Variants in NPAS2 observed in about 807,000 individuals in gnomAD.
NPAS2 encodes the protein neuronal PAS domain-containing protein 2.
NPAS2 carries 23 observed loss-of-function variants against 107.5 expected under a neutral mutation model. The ratio of observed to expected loss-of-function variants is 0.21; its 90% CI spans 0.15 to 0.30. NPAS2 has a LOEUF of 0.30. NPAS2 is among the 10% of genes least tolerant of loss of function. The probability of loss-of-function intolerance (pLI) is 1.00; values close to 1 mark genes in which losing one functional copy is unlikely to be tolerated. For synonymous variants in NPAS2, 403 were observed against 417.5 expected, an observed-to-expected ratio of 0.97 and a Z score of 0.42; for missense variants, 756 against 1,043.3, an observed-to-expected ratio of 0.72 and a Z score of 3.79.
chr2:100,969,449 C>T (rs1314740491), intron 11 of NPAS2, among the ~76,000 whole-genome samples: 3 of 152,122 alleles, frequency 2.0e-5, no homozygotes, highest in South Asian at 2.1e-4. Context: ...TGAGAACATG[C>T]GGTGTTTGGT....
intron 19 of NPAS2, among the ~76,000 whole-genome samples, chr2:100,992,524 TC>T (rs1678196614): frequency 6.6e-6 from 1 of 152,108 alleles, no homozygotes; most frequent in Non-Finnish European, 1.5e-5. Flanking sequence ...TCTCCCTAGA[TC>T]TGTTTGTTTA....
chr2:100,949,339 C>A, intron 6 of NPAS2, 28 bp from the exon 7 acceptor site: 1 of 1,337,502 alleles, frequency 7.5e-7, no homozygotes, highest in Non-Finnish European at 1.1e-6. Context: ...CGACCCCTTT[C>A]TCTCCTCTTC....
At chr2:100,891,962 C>T (rs1019179326) in intron 1 of NPAS2, among the ~76,000 whole-genome samples, 2 of 152,180 alleles carry the variant, frequency 1.3e-5, no homozygotes, top group Admixed American at 6.6e-5. Flanking sequence ...CCAACAAAGG[C>T]TTTCACTGAC....
chr2:100,880,890 GA>G, intron 1 of NPAS2, among the ~76,000 whole-genome samples: 1 of 152,334 alleles, frequency 6.6e-6, no homozygotes, highest in African/African-American at 2.4e-5. Context: ...TGCTCAGCAG[GA>G]AAAACTGACT....
intron 1 of NPAS2, among the ~76,000 whole-genome samples, chr2:100,868,219 A>G (rs148195655): frequency 6.6e-6 from 1 of 152,332 alleles, no homozygotes; most frequent in East Asian, 1.9e-4. Flanking sequence ...TTCATCTAAA[A>G]TATCTCTATT....
At chr2:100,966,347 C>T (rs557947577) in intron 10 of NPAS2, among the ~76,000 whole-genome samples, 119 of 152,124 alleles carry the variant, frequency 7.8e-4, no homozygotes, top group African/African-American at 2.5e-3. Context: ...TTGCCACATA[C>T]GAGGCGAACA....
intron 3 of NPAS2, among the ~76,000 whole-genome samples, chr2:100,929,424 G>A (rs941198768): frequency 1.3e-5 from 2 of 152,206 alleles, no homozygotes; most frequent in African/African-American, 4.8e-5. Context: ...CTGTTCATGA[G>A]TGTGTCCATT....
At chr2:100,964,459 T>C (rs957005913) in intron 8 of NPAS2, among the ~76,000 whole-genome samples, 2 of 152,220 alleles carry the variant, frequency 1.3e-5, no homozygotes, top group Non-Finnish European at 2.9e-5. Context: ...GTTAATACCA[T>C]GCAGGCCAGG....
intron 1 of NPAS2, chr2:100,878,572 G>A (rs1282191528): frequency 9.1e-6 from 9 of 985,324 alleles, no homozygotes; most frequent in East Asian, 1.1e-4. Flanking sequence ...TGAAATGGCC[G>A]TGTGTGGTAC....
intron 1 of NPAS2, among the ~76,000 whole-genome samples, chr2:100,897,902 G>A (rs1393838166): frequency 1.3e-5 from 2 of 152,156 alleles, no homozygotes; most frequent in African/African-American, 4.8e-5. Context: ...TATATCACAT[G>A]CAGTTGGCAC....
At chr2:100,871,799 T>C (rs1679602388) in intron 1 of NPAS2, among the ~76,000 whole-genome samples, 1 of 152,100 alleles carries the variant, frequency 6.6e-6, no homozygotes. Flanking sequence ...GAAATTCATC[T>C]CTGCATGCTG....
At chr2:100,875,295 G>C (rs10179995) in intron 1 of NPAS2, among the ~76,000 whole-genome samples, 5,937 of 152,218 alleles carry the variant, frequency 0.039, 229 homozygotes, top group African/African-American at 0.097. Context: ...CAGGCAATGG[G>C]GAGTTAGTGT....
rs777434224 is a variant in NPAS2, at chr2:100,827,508, A to G, written c.-23+7094A>G. Among the ~76,000 whole-genome samples the G allele has an allele frequency of 1.1e-4, 16 of 152,254 alleles. 1 individual carries two copies. The highest frequency in any genetic ancestry group is 6.8e-3 in the Middle Eastern group (2 of 294). The stretch of plus-strand genomic sequence containing the variant: ...CACCCAGGTACTGATGTAGTACCCA[A>G]TAGTTAGGTTTTCAGTCCTTATCCC... On this transcript the variant is annotated intron_variant, in intron 1 of 20. Transcript: ENST00000335681.
chr2:100,982,487 C>A, intron 16 of NPAS2, 110 bp downstream of exon 16: 3 of 1,272,426 alleles, frequency 2.4e-6, no homozygotes, highest in Non-Finnish European at 3.2e-6. Flanking sequence ...ACTGCCCTGC[C>A]AAGCCCCATT....
intron 12 of NPAS2, among the ~76,000 whole-genome samples, chr2:100,971,800 A>G (rs938972530): frequency 6.6e-6 from 1 of 152,058 alleles, no homozygotes; most frequent in Non-Finnish European, 1.5e-5. Flanking sequence ...ATCATCTGCA[A>G]GTAGACCAGA....
chr2:100,965,257 C>G lies in NPAS2; in HGVS notation c.800+314C>G, dbSNP rs1357232431. Among the ~76,000 whole-genome samples the G allele has an allele frequency of 6.6e-6, 1 of 152,148 alleles. No individual in the cohort carries two copies. Among genetic ancestry groups the G allele is most frequent in the Non-Finnish European group, 1.5e-5 (1 of 68,002 alleles). On this transcript the variant is annotated intron_variant, in intron 9 of 20. Coordinates refer to ENST00000335681, the MANE Select transcript of NPAS2 (RefSeq NM_002518.4). The surrounding 1 kb of genome is among the most constrained non-coding windows in gnomAD (Gnocchi z 4.3). ...GAGAAATCTCTCATCTCATTTTTTT[C>G]AACATCCTTTGATCTTTTAGCCCAA...
intron 1 of NPAS2, among the ~76,000 whole-genome samples, chr2:100,834,519 G>A (rs1676938730): frequency 6.6e-6 from 1 of 152,144 alleles, no homozygotes; most frequent in African/African-American, 2.4e-5. Flanking sequence ...AACGCACAGA[G>A]CTCATTCATG....
intron 1 of NPAS2, among the ~76,000 whole-genome samples, chr2:100,873,248 T>G (rs1679691014): frequency 1.9e-5 from 1 of 51,784 alleles, no homozygotes; most frequent in African/African-American, 8.1e-5. Context: ...CGAGACTTCA[T>G]CTCAAAAAAA....
intron 2 of NPAS2, among the ~76,000 whole-genome samples, chr2:100,909,090 T>TC (rs965509204): frequency 6.6e-6 from 1 of 152,130 alleles, no homozygotes; most frequent in African/African-American, 2.4e-5. Context: ...TTTCTTCTGG[T>TC]CCCCCTGGGG....
Sources: gnomAD v4.1 joint callset for allele counts (sites outside exome capture counted in the v4.1 genomes callset) on GRCh38, gnomAD v4.1.1 for gene constraint, Gnocchi (gnomAD v3.1) non-coding constraint, MANE v1.5 for transcripts, NCBI Gene and HGNC (gene_info 2026-07-23, HGNC 2026-07-21) for gene names.